ARMC9: variants seen among roughly 807,000 people sequenced by gnomAD.
ARMC9 encodes lisH domain-containing protein ARMC9.
ARMC9 carries 94 observed loss-of-function variants against 107.0 expected under a neutral mutation model. The observed-to-expected ratio is 0.88, with a 90% CI of 0.74 to 1.04. The LOEUF is 1.04. ARMC9 is among the 50% of genes least tolerant of loss of function. The pLI, the probability that ARMC9 is intolerant of heterozygous loss-of-function variation, is 0.00. For synonymous variants in ARMC9, 380 were observed against 396.9 expected (o/e 0.96, Z 0.51); for missense variants, 942 against 1,030.1 (o/e 0.91, Z 1.17).
rs1430238461 is a variant in ARMC9 at position 231,374,099 on chromosome 2, A to G, written c.*2564A>G. On this transcript the variant is annotated 3_prime_UTR_variant, in exon 25 of 25. Transcript: ENST00000611582. Reference sequence around the variant, plus strand: ...TTATTCACAAATATTCCAACTATCTACCAGCTCCAATGAGCTTGCTGAGGA... The same window carrying G: ...TTATTCACAAATATTCCAACTATCTGCCAGCTCCAATGAGCTTGCTGAGGA... The G allele has an allele frequency of 1.3e-5, 2 of 152,162 alleles. No individual in the cohort carries two copies. Among genetic ancestry groups the G allele is most frequent in the African/African-American group, 4.8e-5 (2 of 41,438 alleles). The allele number at this position is 152,162 out of a possible 1,614,324, so 9.4% of individuals were successfully genotyped here. A position where few individuals can be genotyped will look rare whatever the true frequency, so the allele number is the denominator to read the frequency against.
rs539122668 is a variant in ARMC9, at chr2:231,221,068, G to A, written c.505-1660G>A. 3.3e-5 allele frequency among the ~76,000 whole-genome samples: 5 copies of A among 152,316 alleles called. No individual in the cohort carries two copies. The South Asian group carries it at 1.0e-3, about 32-fold the overall frequency. On this transcript the variant is annotated intron_variant, in intron 5 of 24. Transcript: ENST00000611582. ...AAGTACCACAGGCCAGATGCCTTAA[G>A]ACAGCAGGCATTCGTTGTCTTACAG...
rs188450578 is a variant in ARMC9 at position 231,263,945 on chromosome 2, T to C, written c.1119+1547T>C. Reference sequence around the variant, plus strand: ...TTCATTGAGTCGAAGATACACTTTTTCCCCCCATTTTAACATCTTTGCTAT... The same window carrying C: ...TTCATTGAGTCGAAGATACACTTTTCCCCCCCATTTTAACATCTTTGCTAT... On this transcript the variant is annotated intron_variant, in intron 12 of 24. Coordinates refer to ENST00000611582, the MANE Select transcript of ARMC9 (RefSeq NM_001352754.2). Among the ~76,000 whole-genome samples, 44 of 152,318 alleles carry C rather than the reference T, an allele frequency of 2.9e-4. No homozygotes were observed. In the East Asian group the frequency reaches 7.3e-3, roughly 25 times the overall value.
At chr2:231,208,080 A>G in intron 2 of ARMC9, 47 bp from the exon 3 acceptor site, 1 of 862,162 alleles carries the variant, frequency 1.2e-6, no homozygotes, top group South Asian at 1.6e-5. Flanking sequence ...TTTTAATTGG[A>G]TTATTTGTTT....
chr2:231,338,436 A>G (rs1005805312), intron 20 of ARMC9, among the ~76,000 whole-genome samples: 2 of 151,586 alleles, frequency 1.3e-5, no homozygotes, highest in Admixed American at 1.3e-4. Context: ...CATGTTGGCC[A>G]GGGTGGTCTC....
At chr2:231,228,548 A>G (rs2034891338) in intron 7 of ARMC9, among the ~76,000 whole-genome samples, 1 of 152,212 alleles carries the variant, frequency 6.6e-6, no homozygotes, top group South Asian at 2.1e-4. Flanking sequence ...AGCCAGGAGG[A>G]AGCTGTATCA....
At chr2:231,233,207 T>C (rs2035403668) in intron 7 of ARMC9, among the ~76,000 whole-genome samples, 1 of 152,256 alleles carries the variant, frequency 6.6e-6, no homozygotes, top group Non-Finnish European at 1.5e-5. Flanking sequence ...TAAACAGTAA[T>C]CAAACATGAA....
At chr2:231,198,808 G>C (rs2030176513) in intron 1 of ARMC9, 110 bp downstream of exon 1, 1 of 152,548 alleles carries the variant, frequency 6.6e-6, no homozygotes, top group Non-Finnish European at 1.5e-5. Flanking sequence ...CTTGTTCCGA[G>C]GAAAAACCCG....
At chr2:231,302,437 GTTTTTTTTTTTT>G (rs56032700) in intron 19 of ARMC9, among the ~76,000 whole-genome samples, 4 of 58,100 alleles carry the variant, frequency 6.9e-5, no homozygotes, top group South Asian at 1.7e-3. Flanking sequence ...TTGTGGGTTT[GTTTTTTTTTTTT>G]TTTTTTTTTT....
Position 231,291,433 on chromosome 2 carries a change from G to A in ARMC9, c.1707G>A (p.Gln569=). Residue 569 remains glutamine (Q), a synonymous_variant, in exon 18 of 25, where the codon CAG becomes CAA. Transcript: ENST00000611582. The part of the protein sequence containing the change: ...MIRQIEFIIK[Q]LNSEELPDGV... Reference sequence around the variant, plus strand: ...GCCAGATAGAATTCATCATCAAGCAGCTAAATTCCGGTCAGTTTGATGCAA... The same window carrying A: ...GCCAGATAGAATTCATCATCAAGCAACTAAATTCCGGTCAGTTTGATGCAA... The A allele has an allele frequency of 6.2e-7, 1 of 1,613,086 alleles. No individual in the cohort carries two copies. The highest frequency in any genetic ancestry group is 8.5e-7 in the Non-Finnish European group (1 of 1,179,534).
At chr2:231,202,749 G>A (rs2031270686) in intron 1 of ARMC9, among the ~76,000 whole-genome samples, 1 of 152,142 alleles carries the variant, frequency 6.6e-6, no homozygotes, top group African/African-American at 2.4e-5. Context: ...TAAAGAAAGA[G>A]GAGAGAAACA....
chr2:231,225,292 G>A (rs934072749), intron 6 of ARMC9, among the ~76,000 whole-genome samples: 4 of 152,094 alleles, frequency 2.6e-5, no homozygotes, highest in African/African-American at 7.2e-5. Context: ...AGGTTTAAAC[G>A]TAGAGTTACC....
chr2:231,309,213 A>G lies in ARMC9; in HGVS notation c.1773+12960A>G, dbSNP rs144779934. On this transcript the variant is annotated intron_variant, in intron 19 of 24. Coordinates refer to ENST00000611582, the MANE Select transcript of ARMC9 (RefSeq NM_001352754.2). ...TGCCCTCATTTCCACTCTGGTTTCT[A>G]TGGAAATAGACATCCGATGGCTCAA... Among the ~76,000 whole-genome samples the G allele has an allele frequency of 1.4e-3, 207 of 152,258 alleles. 2 individuals carry two copies. Among genetic ancestry groups the G allele is most frequent in the African/African-American group, 4.7e-3 (195 of 41,528 alleles).
Position 231,214,930 on chromosome 2 carries a change from G to A in ARMC9, c.277G>A (p.Ala93Thr). ...SSSIRDGDSF[A>T]QKLEFYLHIH... Reference sequence around the variant, plus strand: ...TTCCATCCGAGATGGGGACTCCTTTGCCCAGAAGCTGGAATTCTATCTCCA... The same window carrying A: ...TTCCATCCGAGATGGGGACTCCTTTACCCAGAAGCTGGAATTCTATCTCCA... Residue 93 changes from alanine (A) to threonine (T), a missense_variant, in exon 4 of 25, where the codon GCC becomes ACC. Transcript: ENST00000611582. 1 of 1,614,144 alleles carries A rather than the reference G, an allele frequency of 6.2e-7. No homozygotes were observed.
intron 9 of ARMC9, among the ~76,000 whole-genome samples, chr2:231,247,899 C>G (rs111634819): frequency 0.02 from 2,975 of 152,316 alleles, 99 homozygotes; most frequent in African/African-American, 0.069. Context: ...CCATTGCACT[C>G]CAGCCTGGGC....
At chr2:231,275,937 G>A (rs1330099256) in intron 14 of ARMC9, among the ~76,000 whole-genome samples, 1 of 152,066 alleles carries the variant, frequency 6.6e-6, no homozygotes, top group Admixed American at 6.5e-5. Context: ...TGGGCAATAA[G>A]AGCAAAACTC....
rs373779268 is a variant in ARMC9 at position 231,297,044 on chromosome 2, G to C, written c.1773+791G>C. Among the ~76,000 whole-genome samples the C allele has an allele frequency of 6.6e-6, 1 of 152,146 alleles. No homozygotes were observed. The highest frequency in any genetic ancestry group is 1.5e-5 in the Non-Finnish European group (1 of 68,018). The stretch of plus-strand genomic sequence containing the variant: ...AGAGGATGTTTTTTTGTTTGGAGTC[G>C]TGGCCTATCAGCTTGTAAAATGTGT... On this transcript the variant is annotated intron_variant, in intron 19 of 24. Transcript: ENST00000611582. This position sits in a 1 kb window ranked among gnomAD's most constrained non-coding sequence, Gnocchi z 4.2.
At chr2:231,349,559 A>T (rs1033645308) in intron 21 of ARMC9, among the ~76,000 whole-genome samples, 1 of 152,144 alleles carries the variant, frequency 6.6e-6, no homozygotes, top group African/African-American at 2.4e-5. Flanking sequence ...AGGCGGGTAG[A>T]TCACTTAAGG....
intron 7 of ARMC9, among the ~76,000 whole-genome samples, chr2:231,230,602 T>G (rs771485847): frequency 1.3e-5 from 2 of 152,136 alleles, no homozygotes; most frequent in Non-Finnish European, 2.9e-5. Context: ...TATACAGTTG[T>G]CCCTCAGTAT....
Position 231,273,033 on chromosome 2 carries a change from T to C in ARMC9, c.1289T>C (p.Ile430Thr). The C allele has an allele frequency of 1.2e-6, 2 of 1,613,936 alleles. No homozygotes were observed. Among genetic ancestry groups the C allele is most frequent in the Non-Finnish European group, 8.5e-7 (1 of 1,179,896 alleles). The change falls in exon 14 of 25, where the codon ATC (isoleucine) becomes ACC (threonine). Residue 430 changes from isoleucine (I) to threonine (T), a missense_variant. By Grantham distance (89) the Ile-to-Thr change is moderately conservative (BLOSUM62 -1). Transcript: ENST00000611582. ...GRLKEEDKDI[I>T]TRENVLGALQ... is the part of the protein sequence containing the mutation. The stretch of plus-strand genomic sequence containing the variant: ...CTGAAGGAGGAGGACAAGGATATCA[T>C]CACCAGGGAGAATGTTCTTGGGGCC...
Sources: gnomAD v4.1 joint callset for allele counts (sites outside exome capture counted in the v4.1 genomes callset) on GRCh38, gnomAD v4.1.1 for gene constraint, Gnocchi (gnomAD v3.1) non-coding constraint, MANE v1.5 for transcripts, NCBI Gene and HGNC (gene_info 2026-07-23, HGNC 2026-07-21) for gene names.